Variants in SPTBN2 observed in about 807,000 individuals in gnomAD.
SPTBN2 encodes spectrin beta chain, non-erythrocytic 2.
SPTBN2 carries 107 observed loss-of-function variants against 284.2 expected under a neutral mutation model. That is an observed-to-expected ratio of 0.38 (90% CI 0.32 to 0.44). SPTBN2 has a LOEUF of 0.44. Among genes scored for constraint, SPTBN2 ranks in the 20% least tolerant of loss-of-function variants. SPTBN2 has a pLI of 1.00. For missense variants in SPTBN2, 2,569 were observed against 3,287.1 expected, an observed-to-expected ratio of 0.78 and a Z score of 5.34; for synonymous variants, 1,289 against 1,354.8, an observed-to-expected ratio of 0.95 and a Z score of 1.07.
intron 8 of SPTBN2, among the ~76,000 whole-genome samples, chr11:66,713,163 A>G (rs1407737204): frequency 1.3e-5 from 2 of 151,806 alleles, no homozygotes; most frequent in African/African-American, 4.8e-5. Context: ...CACAACCCAC[A>G]GTCCAGGGCT....
In SPTBN2 at chr11:66,689,040, A is replaced by G; in HGVS notation, c.6034+56T>C. 3 of 1,550,648 alleles carry G rather than the reference A, an allele frequency of 1.9e-6. No homozygotes were observed. The Admixed American group carries it at 5.6e-5, about 29-fold the overall frequency. ...TAGTCTCACCTACTCTGGAACCCAC[A>G]GGGTGCAGGATGCCCCCCACTCCCC... On this transcript the variant is annotated intron_variant, in intron 30 of 37. Transcript: ENST00000533211.
At position 66,696,445 on chromosome 11, in the gene SPTBN2, G is replaced by C. The variant is rs758063193; in HGVS notation, c.4110C>G (p.Thr1370=). ...DLHRRWDELE[T]TTQAKARSLF... is the part of the protein sequence containing the mutation. The stretch of plus-strand genomic sequence containing the variant: ...GGCTGCGGGCCTTGGCTTGGGTGGT[G>C]GTCTCCAGCTCGTCCCAGCGCCTGT... Residue 1370 remains threonine (T), a synonymous_variant, in exon 21 of 38, where the codon ACC becomes ACG. Transcript: ENST00000533211. 2.2e-5 allele frequency: 35 copies of C among 1,612,832 alleles called. No homozygotes were observed. The South Asian group carries it at 3.3e-4, about 15-fold the overall frequency.
chr11:66,729,604 T>C (rs1028101434), upstream of SPTBN2, among the ~76,000 whole-genome samples: 1 of 152,216 alleles, frequency 6.6e-6, no homozygotes, highest in African/African-American at 2.4e-5. Flanking sequence ...AGATATGGTT[T>C]TGACAACCCT....
At position 66,693,104 on chromosome 11, in the gene SPTBN2, G is replaced by C. The variant is rs1328083557; in HGVS notation, c.4855-4C>G. On this transcript the variant is annotated splice_polypyrimidine_tract_variant and splice_region_variant and intron_variant, in intron 24 of 37. Transcript: ENST00000533211. The surrounding 1 kb of genome is among the most constrained non-coding windows in gnomAD (Gnocchi z 5.7). Reference sequence around the variant, plus strand: ...CTGCCTGGGCACTCAGCTCATCCTGGGGGAAGGGACAGTGGCATCCAGCAT... The same window carrying C: ...CTGCCTGGGCACTCAGCTCATCCTGCGGGAAGGGACAGTGGCATCCAGCAT... 6.2e-7 allele frequency: 1 copy of C among 1,614,188 alleles called. No homozygotes were observed. The highest frequency in any genetic ancestry group is 1.1e-5 in the South Asian group (1 of 91,090).
Position 66,705,146 on chromosome 11 carries a change from C to T in SPTBN2, c.2130G>A (p.Glu710=). 1 of 1,537,622 alleles carries T rather than the reference C, an allele frequency of 6.5e-7. No individual in the cohort carries two copies. Among genetic ancestry groups the T allele is most frequent in the Non-Finnish European group, 8.7e-7 (1 of 1,144,038 alleles). Residue 710 remains glutamate (E), a synonymous_variant, in exon 15 of 38, where the codon GAG becomes GAA. Coordinates refer to ENST00000533211, the MANE Select transcript of SPTBN2 (RefSeq NM_006946.4). The part of the protein sequence containing the change: ...TLEQGQQLVA[E]GHPGASQASA... The stretch of plus-strand genomic sequence containing the variant: ...AGGCCTGGCTTGCCCCAGGGTGACC[C>T]TCGGCCACCAACTGCTGGCCCTGCT...
chr11:66,688,567 A>G, intron 31 of SPTBN2, 86 bp downstream of exon 31: 2 of 1,547,342 alleles, frequency 1.3e-6, no homozygotes, highest in Admixed American at 3.5e-5. Context: ...CAGTGGGAAG[A>G]GAGAAGACAT....
chr11:66,698,510 T>A, intron 20 of SPTBN2, 129 bp downstream of exon 20: 1 of 1,405,834 alleles, frequency 7.1e-7, no homozygotes, highest in Admixed American at 1.8e-5. Context: ...GGCCATAACT[T>A]TCCACCATGG....
chr11:66,737,097 G>T (rs938517695), intron 1 of SPTBN2, among the ~76,000 whole-genome samples: 1 of 152,116 alleles, frequency 6.6e-6, no homozygotes, highest in African/African-American at 2.4e-5. Context: ...ACCAGATAAG[G>T]GCCCAATAAG....
chr11:66,689,608 A>G (rs977595192), intron 29 of SPTBN2, among the ~76,000 whole-genome samples, 197 bp downstream of exon 29: 4 of 152,128 alleles, frequency 2.6e-5, no homozygotes, highest in African/African-American at 9.7e-5. Context: ...CTGGCCCAGG[A>G]CCAGTGATTT....
At position 66,708,120 on chromosome 11, in the gene SPTBN2, C is replaced by A. The variant is rs1000162991; in HGVS notation, c.1350+21G>T. 1 of 1,613,098 alleles carries A rather than the reference C, an allele frequency of 6.2e-7. No individual in the cohort carries two copies. Among genetic ancestry groups the A allele is most frequent in the Admixed American group, 1.7e-5 (1 of 60,026 alleles). On this transcript the variant is annotated intron_variant, in intron 12 of 37. Transcript: ENST00000533211. The surrounding 1 kb of genome is among the most constrained non-coding windows in gnomAD (Gnocchi z 4.4). Reference sequence around the variant, plus strand: ...TCCCAGTTCTGACCAGCCTAAGCATCCTAGGAGCCTCAAGTCCTACCTGGG... The same window carrying A: ...TCCCAGTTCTGACCAGCCTAAGCATACTAGGAGCCTCAAGTCCTACCTGGG...
Position 66,698,796 on chromosome 11 carries a change from CAT to C in SPTBN2, c.3868-13_3868-12del. Reference sequence around the variant, plus strand: ...GATCCAGAGCTTCAGCTGGACCAAACATAAAACAGGGACATTTCCAAGGGAGG... The same window carrying C: ...GATCCAGAGCTTCAGCTGGACCAAACAAAACAGGGACATTTCCAAGGGAGG... On this transcript the variant is annotated splice_polypyrimidine_tract_variant and intron_variant, in intron 19 of 37. Coordinates refer to ENST00000533211, the MANE Select transcript of SPTBN2 (RefSeq NM_006946.4). 1.9e-6 allele frequency: 3 copies of C among 1,613,172 alleles called. No homozygotes were observed. The highest frequency in any genetic ancestry group is 2.5e-6 in the Non-Finnish European group (3 of 1,179,996).
intron 1 of SPTBN2, among the ~76,000 whole-genome samples, chr11:66,740,378 A>G (rs1195979930): frequency 6.6e-6 from 1 of 152,230 alleles, no homozygotes; most frequent in Non-Finnish European, 1.5e-5. Flanking sequence ...GCTGTAGTCC[A>G]AGAATTGCAC....
In SPTBN2 at chr11:66,682,561, TAATC is replaced by T. The variant is rs534789287; in HGVS notation, c.*3306_*3309del. 1.4e-4 allele frequency among the ~76,000 whole-genome samples: 21 copies of T among 152,338 alleles called. No homozygotes were observed. In the East Asian group the frequency reaches 3.3e-3, roughly 24 times the overall value. The stretch of plus-strand genomic sequence containing the variant: ...ATATCTAAAATATTATTTCAACACA[TAATC>T]AATATAAAAATTAAGGTATTTAAAG... On this transcript the variant is annotated 3_prime_UTR_variant, in exon 38 of 38. Transcript: ENST00000533211.
chr11:66,739,694 G>A (rs1469738152), intron 1 of SPTBN2, among the ~76,000 whole-genome samples: 1 of 152,200 alleles, frequency 6.6e-6, no homozygotes, highest in Non-Finnish European at 1.5e-5. Context: ...GTGGACATCA[G>A]CTGGCAGGAC....
rs371470159 is a variant in SPTBN2, at chr11:66,694,194, C to A, written c.4448G>T (p.Arg1483Leu). The change falls in exon 22 of 38, where the codon CGC becomes CTC. Residue 1483 changes from arginine to leucine, a missense_variant. Around this residue, in one of 6 missense-constraint regions of SPTBN2, gnomAD observed 1,130 missense variants for 1,317.3 expected, o/e 0.86. Coordinates refer to ENST00000533211, the MANE Select transcript of SPTBN2 (RefSeq NM_006946.4). ...GTGCTGCTCGCGAGAAGCCTGCAGG[C>A]GCCGGCAGCGTTCCCGCATGGGCTG... Reference protein sequence around the residue: ...LCQPMRERCRRLQASREQHQF... With the variant: ...LCQPMRERCRLLQASREQHQF... 1.9e-6 allele frequency: 3 copies of A among 1,613,188 alleles called. No individual in the cohort carries two copies. The highest frequency in any genetic ancestry group is 1.1e-5 in the South Asian group (1 of 91,090).
Position 66,708,078 on chromosome 11 carries a change from T to C in SPTBN2, c.1350+63A>G. On this transcript the variant is annotated intron_variant, in intron 12 of 37. Transcript: ENST00000533211. The surrounding 1 kb of genome is among the most constrained non-coding windows in gnomAD (Gnocchi z 4.4). Reference sequence around the variant, plus strand: ...TGTCTCTCCACCCCGCGGGGCTTCTTATCCACCCTGTCTCTCTCCCAGTTC... The same window carrying C: ...TGTCTCTCCACCCCGCGGGGCTTCTCATCCACCCTGTCTCTCTCCCAGTTC... The C allele has an allele frequency of 5.0e-6, 8 of 1,607,164 alleles. No homozygotes were observed. Among genetic ancestry groups the C allele is most frequent in the Non-Finnish European group, 5.1e-6 (6 of 1,175,148 alleles).
Position 66,701,214 on chromosome 11 carries a change from T to G in SPTBN2, c.2885A>C (p.Asn962Thr). The G allele has an allele frequency of 6.2e-7, 1 of 1,613,136 alleles. No individual in the cohort carries two copies. Among genetic ancestry groups the G allele is most frequent in the Non-Finnish European group, 8.5e-7 (1 of 1,180,018 alleles). The change falls in exon 17 of 38, where the codon AAC (asparagine) becomes ACC (threonine). Residue 962 changes from asparagine to threonine, a missense_variant. Transcript: ENST00000533211. ...AALTSALSIQ[N>T]YHLECTETQA... Reference sequence around the variant, plus strand: ...GGTCTCCGTGCACTCTAAGTGGTAGTTCTGGATGCTCAGGGCTGAGGTGAG... The same window carrying G: ...GGTCTCCGTGCACTCTAAGTGGTAGGTCTGGATGCTCAGGGCTGAGGTGAG...
chr11:66,710,486 G>T lies in SPTBN2; in HGVS notation c.1073+96C>A. On this transcript the variant is annotated intron_variant, in intron 10 of 37. Coordinates refer to ENST00000533211, the MANE Select transcript of SPTBN2 (RefSeq NM_006946.4). This position sits in a 1 kb window ranked among gnomAD's most constrained non-coding sequence, Gnocchi z 4.9. ...TGTGGGAAATCTCCACTGCATTTATGTACTGCCAAATTTCCCTCCCTGAAG... is the reference window on the plus strand; with the variant it reads ...TGTGGGAAATCTCCACTGCATTTATTTACTGCCAAATTTCCCTCCCTGAAG... The T allele has an allele frequency of 7.9e-7, 1 of 1,273,826 alleles. No homozygotes were observed. Among genetic ancestry groups the T allele is most frequent in the Non-Finnish European group, 1.1e-6 (1 of 897,690 alleles). 78.9% of individuals were successfully genotyped at this position (1,273,826 alleles called of 1,614,324 possible).
chr11:66,701,869 G>A, intron 15 of SPTBN2, 148 bp from the exon 16 acceptor site: 1 of 1,117,958 alleles, frequency 8.9e-7, no homozygotes, highest in South Asian at 1.5e-5. Context: ...AGCCTATGAG[G>A]TTCATAGTAT....
Sources: gnomAD v4.1 joint callset for allele counts (sites outside exome capture counted in the v4.1 genomes callset) on GRCh38, gnomAD v4.1.1 for gene constraint, gnomAD v4.1.1 regional missense constraint, Gnocchi (gnomAD v3.1) non-coding constraint, MANE v1.5 for transcripts, NCBI Gene and HGNC (gene_info 2026-07-23, HGNC 2026-07-21) for gene names.